The following LRRC4C variants were observed in gnomAD, a reference collection of about 807,000 sequenced individuals.
The protein encoded by LRRC4C is leucine-rich repeat-containing protein 4C.
LRRC4C carries 5 observed loss-of-function variants against 33.6 expected under a neutral mutation model. That is an observed-to-expected ratio of 0.15 (90% CI 0.08 to 0.31). The LOEUF (loss-of-function observed/expected upper bound fraction) is 0.31, where lower values mean the gene tolerates loss of function less well. Ranked by LOEUF, LRRC4C falls within the 10% of genes least tolerant of loss-of-function variation. LRRC4C has a pLI of 1.00. For synonymous variants in LRRC4C, 329 were observed against 302.0 expected, an observed-to-expected ratio of 1.09 and a Z score of -0.93; for missense variants, 560 against 796.7, an observed-to-expected ratio of 0.70 and a Z score of 3.58.
chr11:40,611,931 A>G lies in LRRC4C; in HGVS notation c.-270+36211T>C, dbSNP rs1192264039. 2.6e-5 allele frequency among the ~76,000 whole-genome samples: 4 copies of G among 151,874 alleles called. No individual in the cohort carries two copies. In the East Asian group the frequency reaches 5.8e-4, roughly 22 times the overall value. ...AATTGGAACTCTTTTACGTTAGGGG[A>G]GAATGTAAAAATAGTGCAGCCACTA... On this transcript the variant is annotated intron_variant, in intron 3 of 6. Coordinates refer to ENST00000528697, the MANE Select transcript of LRRC4C (RefSeq NM_001258419.2).
intron 1 of LRRC4C, among the ~76,000 whole-genome samples, chr11:41,113,161 C>CT (rs1201381638): frequency 6.6e-6 from 1 of 151,936 alleles, no homozygotes; most frequent in East Asian, 1.9e-4. Flanking sequence ...GGTGATGCCA[C>CT]TTTATAAGTC....
rs1857732698 is a variant in LRRC4C, at chr11:40,146,412, A to C, written c.-95-5559T>G. On this transcript the variant is annotated intron_variant, in intron 5 of 6. Transcript: ENST00000528697. ...AGTCAGAGAGAGTGAAAAATGCTGAAATACCTTCTATGAGACAAGTTATAC... is the reference window on the plus strand; with the variant it reads ...AGTCAGAGAGAGTGAAAAATGCTGACATACCTTCTATGAGACAAGTTATAC... 2.0e-5 allele frequency among the ~76,000 whole-genome samples: 3 copies of C among 152,282 alleles called. No individual in the cohort carries two copies. The South Asian group carries it at 6.2e-4, about 32-fold the overall frequency.
chr11:40,777,053 T>A (rs1195717781), intron 2 of LRRC4C, among the ~76,000 whole-genome samples: 2 of 152,182 alleles, frequency 1.3e-5, no homozygotes, highest in Non-Finnish European at 2.9e-5. Flanking sequence ...CTTCTAGCTA[T>A]TGATTTCTAT....
chr11:40,694,301 A>G (rs1945377799), intron 2 of LRRC4C, among the ~76,000 whole-genome samples: 1 of 152,170 alleles, frequency 6.6e-6, no homozygotes, highest in African/African-American at 2.4e-5. Context: ...TTGGGACAGC[A>G]TTGGAGAAAA....
intron 3 of LRRC4C, among the ~76,000 whole-genome samples, chr11:40,403,067 G>A (rs1321863380): frequency 1.3e-5 from 2 of 152,016 alleles, no homozygotes; most frequent in Non-Finnish European, 2.9e-5. Flanking sequence ...TAATTTGTAT[G>A]GCCTTCCCAC....
intron 2 of LRRC4C, among the ~76,000 whole-genome samples, chr11:40,913,191 G>A (rs182726167): frequency 6.6e-6 from 1 of 152,248 alleles, no homozygotes; most frequent in African/African-American, 2.4e-5. Context: ...TCTGCACCAA[G>A]TGGACCTAGT....
intron 1 of LRRC4C, among the ~76,000 whole-genome samples, chr11:41,231,569 GA>G (rs1442526485): frequency 7.0e-6 from 1 of 143,750 alleles, no homozygotes; most frequent in African/African-American, 2.6e-5. Context: ...TGAACAATGA[GA>G]ACACTTGGAC....
intron 3 of LRRC4C, among the ~76,000 whole-genome samples, chr11:40,368,619 A>G (rs1948317997): frequency 6.6e-6 from 1 of 152,142 alleles, no homozygotes; most frequent in African/African-American, 2.4e-5. Flanking sequence ...TTAGAATATA[A>G]TTGTGCATTC....
chr11:40,981,799 A>C (rs1852561972), intron 1 of LRRC4C, among the ~76,000 whole-genome samples: 1 of 152,248 alleles, frequency 6.6e-6, no homozygotes, highest in Non-Finnish European at 1.5e-5. Flanking sequence ...AAGTAGTTAC[A>C]ATATTCCATT....
chr11:40,486,287 A>G (rs888518987), intron 3 of LRRC4C, among the ~76,000 whole-genome samples: 3 of 152,090 alleles, frequency 2.0e-5, no homozygotes, highest in Admixed American at 6.6e-5. Context: ...CCAAAAGACA[A>G]AAATCAAGCC....
intron 3 of LRRC4C, among the ~76,000 whole-genome samples, chr11:40,423,438 G>T (rs1196805426): frequency 7.2e-6 from 1 of 138,848 alleles, no homozygotes; most frequent in African/African-American, 2.6e-5. Flanking sequence ...TCCGCCTCCC[G>T]GGTTCACGCC....
chr11:40,953,272 C>A (rs1958799210), intron 1 of LRRC4C, among the ~76,000 whole-genome samples: 1 of 151,792 alleles, frequency 6.6e-6, no homozygotes, highest in South Asian at 2.1e-4. Context: ...ATTCCAGAGG[C>A]CAATAACTTT....
intron 2 of LRRC4C, among the ~76,000 whole-genome samples, chr11:40,782,373 G>A (rs1233942848): frequency 2.0e-5 from 3 of 151,982 alleles, no homozygotes; most frequent in African/African-American, 4.8e-5. Flanking sequence ...CTCACTTTTA[G>A]GGGGATGAGA....
intron 2 of LRRC4C, among the ~76,000 whole-genome samples, chr11:40,717,158 G>C (rs1473911161): frequency 6.6e-6 from 1 of 152,042 alleles, no homozygotes; most frequent in African/African-American, 2.4e-5. Context: ...TGGGATATTT[G>C]GTGAGGGCAA....
intron 1 of LRRC4C, among the ~76,000 whole-genome samples, chr11:41,279,025 T>A (rs1591139660): frequency 6.6e-6 from 1 of 152,260 alleles, no homozygotes; most frequent in East Asian, 1.9e-4. Context: ...TGTTCCCATC[T>A]TTATGTTCAT....
At position 40,508,404 on chromosome 11, in the gene LRRC4C, T is replaced by A. The variant is rs573165264; in HGVS notation, c.-270+139738A>T. On this transcript the variant is annotated intron_variant, in intron 3 of 6. Coordinates refer to ENST00000528697, the MANE Select transcript of LRRC4C (RefSeq NM_001258419.2). Reference sequence around the variant, plus strand: ...GGCAAAAATAATGCCTAGATTTAAATAGAACATAGCATTTATAATGTAGTA... The same window carrying A: ...GGCAAAAATAATGCCTAGATTTAAAAAGAACATAGCATTTATAATGTAGTA... 2.0e-5 allele frequency among the ~76,000 whole-genome samples: 3 copies of A among 152,174 alleles called. No homozygotes were observed. In the East Asian group the frequency reaches 5.8e-4, roughly 29 times the overall value.
chr11:40,689,940 C>T (rs1473113813), intron 2 of LRRC4C, among the ~76,000 whole-genome samples: 3 of 152,056 alleles, frequency 2.0e-5, no homozygotes, highest in Non-Finnish European at 4.4e-5. Context: ...ACAATTTAGT[C>T]GGCTAACTCA....
chr11:41,136,124 TGAA>T (rs932319667), intron 1 of LRRC4C, among the ~76,000 whole-genome samples: 9 of 152,170 alleles, frequency 5.9e-5, no homozygotes, highest in Non-Finnish European at 1.5e-5. Flanking sequence ...GGATATACAA[TGAA>T]GAACAACACA....
chr11:40,558,453 C>G (rs1329185693), intron 3 of LRRC4C, among the ~76,000 whole-genome samples: 1 of 152,160 alleles, frequency 6.6e-6, no homozygotes. Flanking sequence ...AGACCAAGCA[C>G]CTTCAAGAAT....
Sources: gnomAD v4.1 joint callset for allele counts (sites outside exome capture counted in the v4.1 genomes callset) on GRCh38, gnomAD v4.1.1 for gene constraint, MANE v1.5 for transcripts, NCBI Gene and HGNC (gene_info 2026-07-23, HGNC 2026-07-21) for gene names.